OSBPL9: variants seen among roughly 807,000 people sequenced by gnomAD.
The protein encoded by OSBPL9 is oxysterol-binding protein-related protein 9.
A neutral mutation model predicts 106.6 loss-of-function variants in OSBPL9; 40 were observed. The ratio of observed to expected loss-of-function variants is 0.38; its 90% confidence interval spans 0.29 to 0.49. The LOEUF (loss-of-function observed/expected upper bound fraction) is 0.49, where lower values mean the gene tolerates loss of function less well. Among genes scored for constraint, OSBPL9 ranks in the 20% least tolerant of loss-of-function variants. The pLI is 0.97. For synonymous variants in OSBPL9, 269 were observed against 295.4 expected, an observed-to-expected ratio of 0.91 and a Z score of 0.92; for missense variants, 609 against 887.2, an observed-to-expected ratio of 0.69 and a Z score of 3.98.
intron 3 of OSBPL9, among the ~76,000 whole-genome samples, chr1:51,677,186 C>T (rs923106029): frequency 6.6e-6 from 1 of 152,218 alleles, no homozygotes; most frequent in African/African-American, 2.4e-5. Flanking sequence ...CCCTCACTTG[C>T]TGAATCAGAA....
chr1:51,703,421 A>C (rs1194672487), intron 3 of OSBPL9, among the ~76,000 whole-genome samples: 1 of 152,218 alleles, frequency 6.6e-6, no homozygotes, highest in Admixed American at 6.5e-5. Context: ...ATGGGAGTTC[A>C]CACATGATTT....
chr1:51,760,967 G>A (rs1671361812), intron 10 of OSBPL9, among the ~76,000 whole-genome samples, 187 bp downstream of exon 10: 2 of 152,224 alleles, frequency 1.3e-5, no homozygotes, highest in Non-Finnish European at 2.9e-5. Context: ...GGGCTTTACT[G>A]AAGTGTGATG....
At chr1:51,628,058 A>ATT (rs34103866) in intron 1 of OSBPL9, among the ~76,000 whole-genome samples, 104 of 143,600 alleles carry the variant, frequency 7.2e-4, no homozygotes, top group Middle Eastern at 3.6e-3. Flanking sequence ...CCTACTCTCA[A>ATT]TTTTTTTTTT....
intron 9 of OSBPL9, among the ~76,000 whole-genome samples, chr1:51,758,722 C>G (rs1219323499): frequency 2.0e-5 from 3 of 152,110 alleles, no homozygotes; most frequent in African/African-American, 7.2e-5. Context: ...TTCTTATTCC[C>G]TTCAGTGGGA....
At chr1:51,610,278 TTGA>T (rs1176128912) in intron 2 of OSBPL9, among the ~76,000 whole-genome samples, 1 of 151,722 alleles carries the variant, frequency 6.6e-6, no homozygotes, top group Admixed American at 6.6e-5. Flanking sequence ...GTTGTTGTTG[TTGA>T]GATGGAGTCT....
At chr1:51,737,833 A>G (rs763958274) in intron 4 of OSBPL9, among the ~76,000 whole-genome samples, 5 of 152,032 alleles carry the variant, frequency 3.3e-5, no homozygotes, top group South Asian at 2.1e-4. Context: ...AGGCAATTTT[A>G]TATGCCTTTC....
chr1:51,557,033 T>C, the OSBPL9 span, among the ~76,000 whole-genome samples: 7 of 152,106 alleles, frequency 4.6e-5, no homozygotes, highest in Non-Finnish European at 8.8e-5. Context: ...CTGATGTGAT[T>C]ATTACAAGTT....
At chr1:51,746,661 C>G in intron 5 of OSBPL9, 49 bp from the exon 6 acceptor site, 2 of 1,323,336 alleles carry the variant, frequency 1.5e-6, no homozygotes, top group South Asian at 2.6e-5. Flanking sequence ...GAATGTACAT[C>G]GTATAGTAAA....
intron 1 of OSBPL9, among the ~76,000 whole-genome samples, chr1:51,617,996 T>TTTTGTGTGTG (rs111943091): frequency 1.4e-5 from 2 of 145,702 alleles, no homozygotes; most frequent in African/African-American, 2.5e-5. Flanking sequence ...TCTTACGTGG[T>TTTTGTGTGTG]TGTGTGTGTG....
rs1553198786 is a variant in OSBPL9 at position 51,788,444 on chromosome 1, A to AATT, written c.*656_*658dup. The AATT allele has an allele frequency of 1.3e-5, 2 of 152,642 alleles. No individual in the cohort carries two copies. Among genetic ancestry groups the AATT allele is most frequent in the African/African-American group, 4.8e-5 (2 of 41,450 alleles). The allele number at this position is 152,642 out of a possible 1,614,324, so 9.5% of individuals were successfully genotyped here. On this transcript the variant is annotated 3_prime_UTR_variant, in exon 24 of 24. Transcript: ENST00000428468. ...CTTAGTGCTTAAGGCTTCATAAAGT[A>AATT]ATTTTTCCAACCTTTTTTTTAAAAA...
chr1:51,588,635 A>G (rs147547743), intron 1 of OSBPL9, among the ~76,000 whole-genome samples: 3,055 of 152,268 alleles, frequency 0.02, 51 homozygotes, highest in South Asian at 0.035. Context: ...TGGGTGACAG[A>G]GTGAAATCCT....
intron 1 of OSBPL9, among the ~76,000 whole-genome samples, chr1:51,577,920 C>T (rs1645195881): frequency 6.6e-6 from 1 of 152,138 alleles, no homozygotes; most frequent in South Asian, 2.1e-4. Context: ...ATATGACTTC[C>T]CATGAAATCA....
At chr1:51,742,195 A>G (rs1233060578) in intron 4 of OSBPL9, among the ~76,000 whole-genome samples, 2 of 152,182 alleles carry the variant, frequency 1.3e-5, no homozygotes, top group Non-Finnish European at 2.9e-5. Context: ...TGGAGTTTTA[A>G]TCCTTCAGAG....
chr1:51,688,079 G>T (rs1019637589), intron 3 of OSBPL9, among the ~76,000 whole-genome samples: 7 of 152,164 alleles, frequency 4.6e-5, no homozygotes, highest in African/African-American at 1.7e-4. Flanking sequence ...GCTTGACCAT[G>T]TTCTCTCTGT....
chr1:51,568,425 A>G, the OSBPL9 span, among the ~76,000 whole-genome samples: 1 of 152,234 alleles, frequency 6.6e-6, no homozygotes, highest in African/African-American at 2.4e-5. Context: ...CTACCTAGAA[A>G]CAGAGCCTGG....
At chr1:51,723,320 A>C (rs1284583870) in intron 4 of OSBPL9, among the ~76,000 whole-genome samples, 1 of 152,076 alleles carries the variant, frequency 6.6e-6, no homozygotes, top group Admixed American at 6.5e-5. Flanking sequence ...CTCCTCCCTC[A>C]TCCCTGGCAA....
chr1:51,682,161 G>A (rs375711455), intron 3 of OSBPL9, among the ~76,000 whole-genome samples: 1 of 151,900 alleles, frequency 6.6e-6, no homozygotes, highest in Non-Finnish European at 1.5e-5. Flanking sequence ...CCAAGATCAC[G>A]CCACTGCATT....
chr1:51,658,553 C>T (rs888398420), intron 2 of OSBPL9, among the ~76,000 whole-genome samples: 2 of 152,158 alleles, frequency 1.3e-5, no homozygotes, highest in Non-Finnish European at 2.9e-5. Flanking sequence ...CTCTTTTACT[C>T]CATCCAGTGA....
chr1:51,712,376 TGAGAGGGAGACCGTGGAAA>T (rs1181727206), intron 3 of OSBPL9, among the ~76,000 whole-genome samples: 100 of 152,142 alleles, frequency 6.6e-4, no homozygotes, highest in African/African-American at 2.1e-3. Context: ...CGGCTCCACA[TGAGAGGGAGACCGTGGAAA>T]GAGAGGGAGA....
Sources: gnomAD v4.1 joint callset for allele counts (sites outside exome capture counted in the v4.1 genomes callset) on GRCh38, gnomAD v4.1.1 for gene constraint, MANE v1.5 for transcripts, NCBI Gene and HGNC (gene_info 2026-07-23, HGNC 2026-07-21) for gene names.